The following PAH variants were observed in gnomAD, a reference collection of about 807,000 sequenced individuals.
PAH encodes the protein phenylalanine-4-hydroxylase.
PAH carries 64 observed loss-of-function variants against 62.0 expected under a neutral mutation model. The ratio of observed to expected loss-of-function variants is 1.03; its 90% CI spans 0.84 to 1.27. The LOEUF (loss-of-function observed/expected upper bound fraction) is 1.27. PAH is among the 50% of genes most tolerant of loss of function. The pLI is 0.00. For synonymous variants in PAH, 195 were observed against 196.2 expected (o/e 0.99, Z 0.05); for missense variants, 579 against 542.8 (o/e 1.07, Z -0.66).
At chr12:102,924,289 C>T (rs1384832969) in intron 1 of PAH, among the ~76,000 whole-genome samples, 1 of 152,102 alleles carries the variant, frequency 6.6e-6, no homozygotes, top group Non-Finnish European at 1.5e-5. Context: ...TATAGAAAGT[C>T]TCAAACTCCA....
At chr12:102,901,858 G>A (rs78985461) in intron 2 of PAH, among the ~76,000 whole-genome samples, 21,631 of 152,014 alleles carry the variant, frequency 0.14, 1,627 homozygotes, top group African/African-American at 0.17. Flanking sequence ...CACCATTTTT[G>A]TGTTAACCAC....
At chr12:102,958,393 C>CGCA (rs3832799), upstream of PAH, 389,237 of 1,505,824 alleles carry the variant, frequency 0.26, 14,653 homozygotes, top group African/African-American at 0.31. Context: ...GCGCAGAGCG[C>CGCA]GCAGCAGCAG....
upstream of PAH, among the ~76,000 whole-genome samples, chr12:102,918,576 TTTTTTTG>T: frequency 6.6e-6 from 1 of 151,942 alleles, no homozygotes; most frequent in Non-Finnish European, 1.5e-5. Flanking sequence ...TTTTGTTTTT[TTTTTTTG>T]TTTTGTTTTT....
intron 1 of PAH, 115 bp downstream of exon 1, chr12:102,916,956 C>T: frequency 2.1e-6 from 2 of 946,860 alleles, no homozygotes; most frequent in South Asian, 1.3e-5. Context: ...CAGCTTCCAA[C>T]GAATTCAGAC....
intron 3 of PAH, among the ~76,000 whole-genome samples, chr12:102,891,898 T>C (rs1022182206): frequency 6.6e-6 from 1 of 152,206 alleles, no homozygotes; most frequent in African/African-American, 2.4e-5. Context: ...AGCCTCCACC[T>C]GCTCCAACCA....
At chr12:102,901,018 C>G (rs529043498) in intron 2 of PAH, among the ~76,000 whole-genome samples, 101 of 152,248 alleles carry the variant, frequency 6.6e-4, no homozygotes, top group African/African-American at 2.3e-3. Context: ...AAGATATAGG[C>G]AAGGTGAAAT....
intron 1 of PAH, chr12:102,946,541 A>T (rs1488866256): frequency 6.6e-6 from 1 of 152,376 alleles, no homozygotes; most frequent in Non-Finnish European, 1.5e-5. Flanking sequence ...ATGGCAGGGC[A>T]GGACAATGCC....
intron 1 of PAH, among the ~76,000 whole-genome samples, chr12:102,915,820 AT>A (rs11384108): frequency 6.6e-6 from 1 of 151,916 alleles, no homozygotes; most frequent in Non-Finnish European, 1.5e-5. Context: ...TATACAGCCT[AT>A]TTTTTTAATT....
chr12:102,855,414 G>A (rs1875382166), intron 5 of PAH, 82 bp from the exon 6 acceptor site: 1 of 1,090,818 alleles, frequency 9.2e-7, no homozygotes, highest in Admixed American at 1.9e-5. Context: ...AGGGAGTCGG[G>A]GACCAGAACC....
rs1187270724 is a variant in PAH, at chr12:102,844,407, C to T, written c.994G>A (p.Gly332Arg). 2 of 1,613,272 alleles carry T rather than the reference C, an allele frequency of 1.2e-6. No homozygotes were observed. The highest frequency in any genetic ancestry group is 1.3e-5 in the African/African-American group (1 of 74,872). Residue 332 changes from glycine (G) to arginine (R), a missense_variant, in exon 10 of 13, where the codon GGG becomes AGG. Gly to Arg is a moderately radical substitution (Grantham distance 125). Transcript: ENST00000553106. ...ATGGAGTCTCCTTGTTTGCAGAGCCCAAACTCCACAGTAAACCAGTAAATC... is the reference window on the plus strand; with the variant it reads ...ATGGAGTCTCCTTGTTTGCAGAGCCTAAACTCCACAGTAAACCAGTAAATC... ...ATIYWFTVEFGLCKQGDSIKA... is the reference protein window; with the variant it reads ...ATIYWFTVEFRLCKQGDSIKA...
intron 2 of PAH, among the ~76,000 whole-genome samples, chr12:102,903,032 C>T (rs1877823138): frequency 6.6e-6 from 1 of 152,162 alleles, no homozygotes; most frequent in Admixed American, 6.5e-5. Flanking sequence ...GTTTCTTTTC[C>T]TATACCACCA....
At chr12:102,958,191 G>A in intron 1 of PAH, 2 of 1,376,036 alleles carry the variant, frequency 1.5e-6, no homozygotes, top group South Asian at 1.6e-5. Flanking sequence ...CGCGGGCCCC[G>A]CACCTCGCGT....
chr12:102,929,553 C>A (rs1300460448), intron 1 of PAH, among the ~76,000 whole-genome samples: 1 of 152,038 alleles, frequency 6.6e-6, no homozygotes, highest in Non-Finnish European at 1.5e-5. Context: ...TTATCTTTAT[C>A]CTGAGAGGTG....
chr12:102,863,134 C>T (rs149486919), intron 5 of PAH, among the ~76,000 whole-genome samples: 37 of 152,192 alleles, frequency 2.4e-4, no homozygotes, highest in African/African-American at 7.0e-4. Context: ...GCAGCTGCTA[C>T]GTGGGCTAAA....
intron 3 of PAH, among the ~76,000 whole-genome samples, chr12:102,885,828 C>T (rs1877018776): frequency 6.6e-6 from 1 of 152,208 alleles, no homozygotes; most frequent in Non-Finnish European, 1.5e-5. Flanking sequence ...GCCAGCAAGG[C>T]ACCCAGGCTT....
chr12:102,856,414 A>G (rs964338293), intron 5 of PAH, among the ~76,000 whole-genome samples: 3 of 152,234 alleles, frequency 2.0e-5, no homozygotes, highest in Non-Finnish European at 2.9e-5. Flanking sequence ...GGGGCAGTGC[A>G]TAGCCAAACA....
intron 3 of PAH, among the ~76,000 whole-genome samples, chr12:102,889,549 CAGAT>C (rs71097953): frequency 1.1e-4 from 16 of 143,206 alleles, no homozygotes; most frequent in South Asian, 6.6e-4. Context: ...GATAGATAGA[CAGAT>C]AGATAGATAG....
At chr12:102,953,877 G>A (rs1879838855), upstream of PAH, 1 of 152,218 alleles carries the variant, frequency 6.6e-6, no homozygotes, top group Non-Finnish European at 1.5e-5. Flanking sequence ...CTGATATGTG[G>A]AGAGACTTGC....
chr12:102,847,077 A>C, intron 8 of PAH, 126 bp from the exon 9 acceptor site: 1 of 755,236 alleles, frequency 1.3e-6, no homozygotes, highest in South Asian at 1.4e-5. Flanking sequence ...ATAGACCCTG[A>C]GTGTGTTATC....
Sources: allele counts gnomAD v4.1 joint callset (sites outside exome capture counted in the v4.1 genomes callset), GRCh38; gene constraint gnomAD v4.1.1; transcripts MANE v1.5; gene names NCBI Gene and HGNC (gene_info 2026-07-23, HGNC 2026-07-21).